The following DLGAP2 variants were observed in gnomAD, a reference collection of about 807,000 sequenced individuals.
DLGAP2 encodes the protein disks large-associated protein 2.
In DLGAP2, 26 loss-of-function variants were observed where a neutral mutation model predicts 100.3. The observed-to-expected ratio is 0.26, with a 90% CI of 0.19 to 0.36. The LOEUF is 0.36. Among genes scored for constraint, DLGAP2 ranks in the 10% least tolerant of loss-of-function variants. The pLI, the probability that DLGAP2 is intolerant of heterozygous loss-of-function variation, is 1.00. For missense variants in DLGAP2, 1,858 were observed against 1,453.2 expected, an observed-to-expected ratio of 1.28 and a Z score of -4.53; for synonymous variants, 886 against 630.1, an observed-to-expected ratio of 1.41 and a Z score of -6.08.
At chr8:1,679,029 C>CAAAG (rs1563058192) in intron 12 of DLGAP2, 1 of 171,032 alleles carries the variant, frequency 5.8e-6, no homozygotes, top group African/African-American at 2.4e-5. Flanking sequence ...GGCATTATGC[C>CAAAG]AAAGAGAAGT....
At chr8:1,126,387 T>TG in intron 2 of DLGAP2, among the ~76,000 whole-genome samples, 1 of 150,098 alleles carries the variant, frequency 6.7e-6, no homozygotes, top group East Asian at 2.0e-4. Context: ...CACAGGCAGA[T>TG]GAGGAGGGAG....
At chr8:817,934 C>G (rs1201897025) in intron 1 of DLGAP2, among the ~76,000 whole-genome samples, 1 of 152,128 alleles carries the variant, frequency 6.6e-6, no homozygotes. Flanking sequence ...TGGTTGGCCT[C>G]CAGCCAGGAG....
chr8:1,668,569 G>T lies in DLGAP2; in HGVS notation c.2051G>T (p.Arg684Leu). Residue 684 changes from arginine (R) to leucine (L), a missense_variant, in exon 9 of 15, where the codon CGC becomes CTC. Transcript: ENST00000637795. Reference protein sequence around the residue: ...NLALETAAAQRHLPESQSSSV... With the variant: ...NLALETAAAQLHLPESQSSSV... Reference sequence around the variant, plus strand: ...GCGCTGGAAACGGCCGCTGCCCAGCGCCACCTGCCAGAGAGCCAGAGCAGC... The same window carrying T: ...GCGCTGGAAACGGCCGCTGCCCAGCTCCACCTGCCAGAGAGCCAGAGCAGC... The T allele has an allele frequency of 1.3e-6, 2 of 1,591,620 alleles. No homozygotes were observed. The highest frequency in any genetic ancestry group is 1.7e-4 in the Middle Eastern group (1 of 6,040).
At chr8:779,200 C>T (rs1044415496) in intron 1 of DLGAP2, among the ~76,000 whole-genome samples, 3 of 152,238 alleles carry the variant, frequency 2.0e-5, no homozygotes, top group Admixed American at 6.5e-5. Flanking sequence ...TGCTTCGGCT[C>T]GCGCATGGTG....
chr8:1,083,765 A>G (rs1366777617), intron 2 of DLGAP2, among the ~76,000 whole-genome samples: 1 of 152,200 alleles, frequency 6.6e-6, no homozygotes, highest in Non-Finnish European at 1.5e-5. Flanking sequence ...CAGCAATTAC[A>G]ACGAGTTATA....
chr8:1,426,435 A>G (rs1042676477), intron 3 of DLGAP2, among the ~76,000 whole-genome samples: 4 of 152,208 alleles, frequency 2.6e-5, no homozygotes, highest in Non-Finnish European at 5.9e-5. Context: ...TAGGGAGGAA[A>G]GATGTAGAGA....
chr8:1,303,424 A>G (rs1415360409), intron 3 of DLGAP2, among the ~76,000 whole-genome samples: 1 of 118,488 alleles, frequency 8.4e-6, no homozygotes, highest in Non-Finnish European at 1.8e-5. Flanking sequence ...AAAAAAAAAA[A>G]AAAGGAAGGA....
intron 2 of DLGAP2, among the ~76,000 whole-genome samples, chr8:1,098,545 G>C (rs999661591): frequency 5.3e-5 from 8 of 151,940 alleles, no homozygotes; most frequent in African/African-American, 1.7e-4. Context: ...GGCACAGCGG[G>C]CTGGCCCCAC....
chr8:1,352,236 GTTTGGAAAGGCCGTGTGGGTC>G (rs2129635048), intron 3 of DLGAP2, among the ~76,000 whole-genome samples: 2 of 125,814 alleles, frequency 1.6e-5, no homozygotes, highest in South Asian at 2.8e-4. Context: ...TCCTGACTGT[GTTTGGAAAGGCCGTGTGGGTC>G]CTGATCGTGT....
chr8:1,257,866 C>G (rs1799262101), intron 2 of DLGAP2, among the ~76,000 whole-genome samples: 1 of 152,362 alleles, frequency 6.6e-6, no homozygotes, highest in Non-Finnish European at 1.5e-5. Context: ...GTCCTTGACA[C>G]TAGTTCAGGG....
chr8:1,548,541 T>C (rs1434210660), intron 4 of DLGAP2, 85 bp from the exon 5 acceptor site: 2 of 1,221,448 alleles, frequency 1.6e-6, no homozygotes, highest in Non-Finnish European at 2.2e-6. Context: ...ATTAATGAAG[T>C]CCACGGTGGG....
At chr8:738,470 C>T (rs1255395840) in intron 1 of DLGAP2, 1 of 152,168 alleles carries the variant, frequency 6.6e-6, no homozygotes, top group Admixed American at 6.5e-5. Context: ...GCGAGGAGCT[C>T]GGGGTCTTTT....
At chr8:1,078,938 T>A (rs1041363126) in intron 2 of DLGAP2, among the ~76,000 whole-genome samples, 1 of 152,212 alleles carries the variant, frequency 6.6e-6, no homozygotes, top group Non-Finnish European at 1.5e-5. Flanking sequence ...AGTTACTGGA[T>A]TGTCTAGTAG....
intron 2 of DLGAP2, 36 bp from the exon 3 acceptor site, chr8:1,258,815 G>T (rs1259273243): frequency 2.4e-6 from 3 of 1,231,590 alleles, no homozygotes; most frequent in Non-Finnish European, 1.0e-6. Context: ...TTGAGACCCT[G>T]TGGGTGTAAC....
rs59545503 is a variant in DLGAP2, at chr8:831,207, C to CT, written c.19-76684dup. Among the ~76,000 whole-genome samples the CT allele has an allele frequency of 5.8e-3, 736 of 127,628 alleles. 2 individuals are homozygous for CT. The highest frequency in any genetic ancestry group is 7.8e-3 in the Non-Finnish European group (477 of 61,178). The allele number at this position is 127,628 out of a possible 152,430, so 83.7% of individuals were successfully genotyped here. A position where few individuals can be genotyped will look rare whatever the true frequency, so the allele number is the denominator to read the frequency against. ...GTCACCACGCCCGGTCCAGCAGTCA[C>CT]TTTTTTTTTTTTTTTTTTTTTAATA... On this transcript the variant is annotated intron_variant, in intron 1 of 14. Coordinates refer to ENST00000637795, the MANE Select transcript of DLGAP2 (RefSeq NM_001346810.2).
intron 3 of DLGAP2, among the ~76,000 whole-genome samples, chr8:1,486,443 C>T (rs1056263463): frequency 8.5e-5 from 13 of 152,158 alleles, no homozygotes; most frequent in Non-Finnish European, 1.8e-4. Flanking sequence ...TGTGGTGGCA[C>T]GTGCGAAGCC....
rs1177382100 is a variant in DLGAP2, at chr8:1,457,974, T to TCATATA, written c.107-43391_107-43386dup. On this transcript the variant is annotated intron_variant, in intron 3 of 14. Coordinates refer to ENST00000637795, the MANE Select transcript of DLGAP2 (RefSeq NM_001346810.2). The stretch of plus-strand genomic sequence containing the variant: ...CCTGTCAATTGTCTCTGTTCTCTGA[T>TCATATA]CATATATATATATATATATATATAT... Among the ~76,000 whole-genome samples the TCATATA allele has an allele frequency of 1.1e-3, 53 of 46,458 alleles. No individual in the cohort carries two copies. In the East Asian group the frequency reaches 0.014, roughly 12 times the overall value. 30.5% of individuals were successfully genotyped at this position (46,458 alleles called of 152,430 possible).
intron 1 of DLGAP2, among the ~76,000 whole-genome samples, chr8:777,035 T>C (rs1211864052): frequency 2.6e-5 from 4 of 152,202 alleles, no homozygotes; most frequent in East Asian, 1.9e-4. Context: ...TTGGTGCTCC[T>C]GTATTGGGTG....
chr8:788,884 G>A (rs938297671), intron 1 of DLGAP2, among the ~76,000 whole-genome samples: 1 of 152,146 alleles, frequency 6.6e-6, no homozygotes, highest in Admixed American at 6.5e-5. Context: ...GTGATGCAGC[G>A]TTTTCCTGGT....
Sources: gnomAD v4.1 joint callset for allele counts (sites outside exome capture counted in the v4.1 genomes callset) on GRCh38, gnomAD v4.1.1 for gene constraint, MANE v1.5 for transcripts, NCBI Gene and HGNC (gene_info 2026-07-23, HGNC 2026-07-21) for gene names.